ARAP3: variants seen among roughly 807,000 people sequenced by gnomAD.
ARAP3 encodes the protein arf-GAP with Rho-GAP domain, ANK repeat and PH domain-containing protein 3.
Under a neutral mutation model 169.2 loss-of-function variants are expected in ARAP3, and 82 were observed. The observed-to-expected ratio is 0.48, with a 90% CI of 0.41 to 0.58. ARAP3 has a LOEUF of 0.58. ARAP3 is among the 20% of genes least tolerant of loss of function. The probability of loss-of-function intolerance (pLI) is 0.00; values close to 1 mark genes in which losing one functional copy is unlikely to be tolerated. For missense variants in ARAP3, 1,764 were observed against 2,018.0 expected, an observed-to-expected ratio of 0.87 and a Z score of 2.41; for synonymous variants, 791 against 800.3, an observed-to-expected ratio of 0.99 and a Z score of 0.20.
intron 16 of ARAP3, among the ~76,000 whole-genome samples, chr5:141,667,570 A>T (rs1174231824): frequency 6.7e-6 from 1 of 149,988 alleles, no homozygotes; most frequent in African/African-American, 2.4e-5. Flanking sequence ...AGTAGCTGGG[A>T]CTATAGGCGC....
chr5:141,655,514 A>G, intron 31 of ARAP3, 107 bp downstream of exon 31: 1 of 1,585,024 alleles, frequency 6.3e-7, no homozygotes, highest in Non-Finnish European at 8.6e-7. Flanking sequence ...AGGGAGGGGG[A>G]CAGTGAGCAT....
At chr5:141,678,024 T>G (rs1334753417) in intron 4 of ARAP3, among the ~76,000 whole-genome samples, 1 of 151,674 alleles carries the variant, frequency 6.6e-6, no homozygotes, top group Non-Finnish European at 1.5e-5. Flanking sequence ...CTTTGCTCAC[T>G]GCAAGCTCCG....
rs535477374 is a variant in ARAP3 at position 141,654,399 on chromosome 5, C to T, written c.4186G>A (p.Glu1396Lys). ...TCGTACACAGGCTCCTCCAGCTCCT[C>T]TTGCTCCTCCACAGACCCCTGGGAT... ...KSSQGSVEEQ[E>K]ELEEPVYEEP... Residue 1396 changes from glutamate (E) to lysine (K), a missense_variant, in exon 33 of 33, where the codon GAG (glutamate) becomes AAG (lysine). Physicochemically the swap from Glu to Lys is moderately conservative, Grantham distance 56. Transcript: ENST00000239440. 9.8e-5 allele frequency: 158 copies of T among 1,608,578 alleles called. 2 individuals are homozygous for T. In the South Asian group the frequency reaches 1.7e-3, roughly 17 times the overall value.
Position 141,680,200 on chromosome 5 carries a change from G to A in ARAP3, c.287C>T (p.Pro96Leu), listed in dbSNP as rs764484654. 63 of 1,611,192 alleles carry A rather than the reference G, an allele frequency of 3.9e-5. No individual in the cohort carries two copies. Among genetic ancestry groups the A allele is most frequent in the Admixed American group, 6.7e-5 (4 of 59,892 alleles). ...APQAQPPKPV[P>L]KPRTVFGGLS... ...TCCACCAAACACGGTCCTGGGCTTC[G>A]GCACGGGCTTAGGGGGCTGGGCTTG... The change falls in exon 2 of 33, where the codon CCG (proline) becomes CTG (leucine). Residue 96 changes from proline to leucine, a missense_variant. Pro to Leu is a moderately conservative substitution (Grantham distance 98). Coordinates refer to ENST00000239440, the MANE Select transcript of ARAP3 (RefSeq NM_022481.6).
intron 4 of ARAP3, among the ~76,000 whole-genome samples, chr5:141,678,711 C>T (rs13172703): frequency 0.17 from 26,234 of 151,752 alleles, 2,395 homozygotes; most frequent in Middle Eastern, 0.27. Flanking sequence ...TGGTCTCAAA[C>T]TCCTGACCTC....
chr5:141,664,278 GGA>G (rs1164739420), intron 19 of ARAP3, among the ~76,000 whole-genome samples: 1 of 152,154 alleles, frequency 6.6e-6, no homozygotes, highest in African/African-American at 2.4e-5. Flanking sequence ...CAGCTACTTG[GGA>G]GGCTGAGGCA....
intron 32 of ARAP3, 102 bp downstream of exon 32, chr5:141,655,260 C>CACACACACACACA (rs1562401159): frequency 1.7e-5 from 14 of 834,600 alleles, no homozygotes; most frequent in African/African-American, 5.9e-5. Flanking sequence ...ACACACACAC[C>CACACACACACACA]CCCTGATGGC....
chr5:141,663,891 A>G (rs1421689340), intron 19 of ARAP3, among the ~76,000 whole-genome samples: 1 of 152,228 alleles, frequency 6.6e-6, no homozygotes, highest in African/African-American at 2.4e-5. Context: ...CCAAGATAAC[A>G]ATATAACAAC....
At chr5:141,679,465 C>T (rs1426279699) in intron 4 of ARAP3, 80 bp downstream of exon 4, 1 of 1,390,962 alleles carries the variant, frequency 7.2e-7, no homozygotes, top group Non-Finnish European at 1.0e-6. Context: ...ACTCAATGCA[C>T]ATTTGTTGAA....
intron 4 of ARAP3, among the ~76,000 whole-genome samples, chr5:141,679,251 T>C (rs1032434618): frequency 1.3e-4 from 20 of 152,318 alleles, no homozygotes; most frequent in Admixed American, 1.2e-3. Context: ...ATTGTGCCAC[T>C]GCACTCCAAT....
Position 141,657,837 on chromosome 5 carries a change from G to A in ARAP3, c.3526+528C>T, listed in dbSNP as rs767717487. 6.3e-4 allele frequency among the ~76,000 whole-genome samples: 95 copies of A among 151,776 alleles called. 1 individual carries two copies. Among genetic ancestry groups the A allele is most frequent in the Non-Finnish European group, 1.2e-3 (80 of 67,910 alleles). ...GGAGAATGGCCTAGGCTTTTTTTTT[G>A]AGGAAAGGGGACTAGACATCATCTA... On this transcript the variant is annotated intron_variant, in intron 25 of 32. Coordinates refer to ENST00000239440, the MANE Select transcript of ARAP3 (RefSeq NM_022481.6).
chr5:141,661,666 G>C lies in ARAP3; in HGVS notation c.3119+18C>G, dbSNP rs113010192. On this transcript the variant is annotated intron_variant, in intron 21 of 32. Transcript: ENST00000239440. ...TTGAAGTGAGGAAGGGTTCTGCAGA[G>C]GGTCTAGCCATACTGACCGATAGAG... The C allele has an allele frequency of 6.2e-7, 1 of 1,609,310 alleles. No individual in the cohort carries two copies. The highest frequency in any genetic ancestry group is 1.3e-5 in the African/African-American group (1 of 74,940).
In ARAP3 at chr5:141,672,853, G is replaced by T. The variant is rs749701227; in HGVS notation, c.1166C>A (p.Pro389His). 34 of 1,606,364 alleles carry T rather than the reference G, an allele frequency of 2.1e-5. No individual in the cohort carries two copies. In the South Asian group the frequency reaches 3.2e-4, roughly 15 times the overall value. ...KEQRLLGHPR[P>H]PQPPRPLRTG... is the part of the protein sequence containing the mutation. ...GCGGAGGGGTCGGGGTGGTTGGGGG[G>T]GCCGGGGGTGGCCCAGGAGGCGCTG... Residue 389 changes from proline (P) to histidine (H), a missense_variant, in exon 8 of 33, where the codon CCC (proline) becomes CAC (histidine). Transcript: ENST00000239440. This position sits in a 1 kb window ranked among gnomAD's most constrained non-coding sequence, Gnocchi z 4.9.
Position 141,653,890 on chromosome 5 carries a change from G to T in ARAP3, c.*60C>A. The T allele has an allele frequency of 6.6e-7, 1 of 1,504,080 alleles. No homozygotes were observed. Among genetic ancestry groups the T allele is most frequent in the Non-Finnish European group, 8.9e-7 (1 of 1,128,088 alleles). 93.2% of individuals were successfully genotyped at this position (1,504,080 alleles called of 1,614,324 possible). A position where few individuals can be genotyped will look rare whatever the true frequency, so the allele number is the denominator to read the frequency against. On this transcript the variant is annotated 3_prime_UTR_variant, in exon 33 of 33. Coordinates refer to ENST00000239440, the MANE Select transcript of ARAP3 (RefSeq NM_022481.6). ...CCAGGGCAGAGGAAGCTGCAACAGT[G>T]CCACGATAAGAGTTTCTGGGTCTTC... is the stretch of plus-strand genomic sequence containing the variant.
rs944402584 is a variant in ARAP3 at position 141,658,495 on chromosome 5, G to A, written c.3412-16C>T. 8 of 1,613,934 alleles carry A rather than the reference G, an allele frequency of 5.0e-6. No homozygotes were observed. Among genetic ancestry groups the A allele is most frequent in the South Asian group, 1.1e-5 (1 of 91,062 alleles). On this transcript the variant is annotated splice_polypyrimidine_tract_variant and intron_variant, in intron 24 of 32. Coordinates refer to ENST00000239440, the MANE Select transcript of ARAP3 (RefSeq NM_022481.6). ...TTGGGGACACCTGGGGTCAGGGCAA[G>A]AGCAGAGAATTCATGCTGGTCAGGC...
chr5:141,661,312 C>G (rs1033219811), intron 21 of ARAP3, among the ~76,000 whole-genome samples: 5 of 152,174 alleles, frequency 3.3e-5, no homozygotes, highest in Non-Finnish European at 5.9e-5. Flanking sequence ...GACCCGCCCA[C>G]CTTGCTTCCC....
Position 141,672,471 on chromosome 5 carries a change from T to C in ARAP3, c.1385+81A>G. ...CTGTGCATACCCTCTGACGTCCTAC[T>C]AAAGAGGCCTCTAGTCCTCTGCACC... On this transcript the variant is annotated intron_variant, in intron 9 of 32. Transcript: ENST00000239440. The surrounding 1 kb of genome is among the most constrained non-coding windows in gnomAD (Gnocchi z 4.9). 6.5e-7 allele frequency: 1 copy of C among 1,529,222 alleles called. No homozygotes were observed. The highest frequency in any genetic ancestry group is 8.9e-7 in the Non-Finnish European group (1 of 1,122,048). The allele number at this position is 1,529,222 out of a possible 1,614,324, so 94.7% of individuals were successfully genotyped here. A position where few individuals can be genotyped will look rare whatever the true frequency, so the allele number is the denominator to read the frequency against.
At chr5:141,673,315 A>T (rs540026354) in intron 6 of ARAP3, 86 bp downstream of exon 6, 717 of 1,572,198 alleles carry the variant, frequency 4.6e-4, no homozygotes, top group Non-Finnish European at 5.9e-4. Flanking sequence ...CCACACACAC[A>T]ATGGACTTCC....
chr5:141,674,459 T>C (rs913662314), intron 4 of ARAP3, among the ~76,000 whole-genome samples: 2 of 152,186 alleles, frequency 1.3e-5, no homozygotes, highest in Admixed American at 1.3e-4. Flanking sequence ...GGTCTCGCTA[T>C]GTTGCCCAGG....
Sources: gnomAD v4.1 joint callset for allele counts (sites outside exome capture counted in the v4.1 genomes callset) on GRCh38, gnomAD v4.1.1 for gene constraint, Gnocchi (gnomAD v3.1) non-coding constraint, MANE v1.5 for transcripts, NCBI Gene and HGNC (gene_info 2026-07-23, HGNC 2026-07-21) for gene names.